Variants in RIT1 observed in about 807,000 individuals in gnomAD.
RIT1 encodes GTP-binding protein Rit1.
Under a neutral mutation model 25.6 loss-of-function variants are expected in RIT1, and 6 were observed. The ratio of observed to expected loss-of-function variants is 0.23; its 90% confidence interval spans 0.13 to 0.46. The LOEUF is 0.46. RIT1 is among the 20% of genes least tolerant of loss of function. The pLI is 0.99. For missense variants in RIT1, 219 were observed against 284.4 expected, an observed-to-expected ratio of 0.77 and a Z score of 1.65; for synonymous variants, 81 against 94.1, an observed-to-expected ratio of 0.86 and a Z score of 0.80.
At chr1:155,906,109 G>A (rs1172713579) in intron 3 of RIT1, among the ~76,000 whole-genome samples, 3 of 152,092 alleles carry the variant, frequency 2.0e-5, no homozygotes, top group Non-Finnish European at 2.9e-5. Context: ...GATTACAGGC[G>A]TGAGCCACTG....
At chr1:155,910,429 A>AT (rs779057350) in intron 3 of RIT1, 21 bp downstream of exon 3, 1 of 1,600,490 alleles carries the variant, frequency 6.2e-7, no homozygotes, top group Non-Finnish European at 8.6e-7. Context: ...ATTTGGAAAC[A>AT]TAAGTGATGA....
intron 3 of RIT1, among the ~76,000 whole-genome samples, chr1:155,907,789 T>C (rs192952048): frequency 1.3e-5 from 2 of 152,210 alleles, no homozygotes; most frequent in Non-Finnish European, 2.9e-5. Flanking sequence ...TGGAGGAAAA[T>C]TGATTAAAAC....
At chr1:155,903,402 G>A (rs564578432) in intron 5 of RIT1, among the ~76,000 whole-genome samples, 2 of 139,716 alleles carry the variant, frequency 1.4e-5, no homozygotes, top group South Asian at 2.3e-4. Context: ...GCAGTGAGCC[G>A]AGATTGTGCC....
chr1:155,904,825 G>T, intron 3 of RIT1, 21 bp from the exon 4 acceptor site: 1 of 1,512,452 alleles, frequency 6.6e-7, no homozygotes, highest in Non-Finnish European at 9.2e-7. Flanking sequence ...GAAGAAAGGT[G>T]TACTATAAAG....
chr1:155,908,325 G>A (rs1283160141), intron 3 of RIT1, among the ~76,000 whole-genome samples: 1 of 150,814 alleles, frequency 6.6e-6, no homozygotes, highest in East Asian at 2.0e-4. Context: ...CGTGGTGATG[G>A]GCCCCTGTAG....
In RIT1 at chr1:155,898,492, T is replaced by TTAA. The variant is rs1491498831; in HGVS notation, c.*1895_*1896insTTA. 5.5e-4 allele frequency: 19 copies of TTAA among 34,316 alleles called. No homozygotes were observed. The highest frequency in any genetic ancestry group is 1.8e-3 in the African/African-American group (19 of 10,812). 2.1% of individuals were successfully genotyped at this position (34,316 alleles called of 1,614,324 possible). On this transcript the variant is annotated 3_prime_UTR_variant, in exon 6 of 6. Transcript: ENST00000368323. The stretch of plus-strand genomic sequence containing the variant: ...AACATAGTGAAACCTCATCTCTATT[T>TTAA]AAAAAAAAAAAAAAAAAAAAAAAAA...
At chr1:155,909,470 T>C (rs1164919239) in intron 3 of RIT1, among the ~76,000 whole-genome samples, 2 of 152,166 alleles carry the variant, frequency 1.3e-5, no homozygotes, top group Non-Finnish European at 2.9e-5. Context: ...TATTAGGATA[T>C]AAACCCTTAG....
chr1:155,910,345 T>C (rs544612997), intron 3 of RIT1, 105 bp downstream of exon 3: 51 of 949,400 alleles, frequency 5.4e-5, no homozygotes, highest in Admixed American at 3.9e-4. Context: ...AAATCTGAAT[T>C]AGACTCCAAA....
At position 155,898,288 on chromosome 1, in the gene RIT1, A is replaced by G. The variant is rs1446332985; in HGVS notation, c.*2100T>C. The G allele has an allele frequency of 6.6e-6, 1 of 151,898 alleles. No individual in the cohort carries two copies. The highest frequency in any genetic ancestry group is 1.5e-5 in the Non-Finnish European group (1 of 67,950). The allele number at this position is 151,898 out of a possible 1,614,324, so 9.4% of individuals were successfully genotyped here. A position where few individuals can be genotyped will look rare whatever the true frequency, so the allele number is the denominator to read the frequency against. On this transcript the variant is annotated 3_prime_UTR_variant, in exon 6 of 6. Transcript: ENST00000368323. ...ATAGTCTTAAAAACACCGATTTGTT[A>G]TTTTCCTTATATATAATCCAAATTC...
intron 2 of RIT1, 44 bp downstream of exon 2, chr1:155,910,612 T>C (rs1673574903): frequency 6.2e-7 from 1 of 1,610,448 alleles, no homozygotes; most frequent in East Asian, 2.2e-5. Flanking sequence ...GTCATTTAAG[T>C]ACTTTTCATC....
intron 5 of RIT1, among the ~76,000 whole-genome samples, chr1:155,901,746 A>C (rs974482186): frequency 6.6e-6 from 1 of 152,012 alleles, no homozygotes; most frequent in African/African-American, 2.4e-5. Context: ...TGAGCCCAGG[A>C]GGTCAAGGCT....
At chr1:155,909,908 C>G (rs1289975635) in intron 3 of RIT1, among the ~76,000 whole-genome samples, 1 of 112,374 alleles carries the variant, frequency 8.9e-6, no homozygotes, top group Non-Finnish European at 1.7e-5. Context: ...GGAGACAGTG[C>G]GAGACTCCAT....
At chr1:155,907,287 C>T (rs545605014) in intron 3 of RIT1, among the ~76,000 whole-genome samples, 5 of 147,882 alleles carry the variant, frequency 3.4e-5, no homozygotes, top group South Asian at 2.1e-4. Context: ...TCGCTCAGGG[C>T]GGAGTGCAGT....
At chr1:155,908,098 A>AC (rs1673489796) in intron 3 of RIT1, among the ~76,000 whole-genome samples, 1 of 149,784 alleles carries the variant, frequency 6.7e-6, no homozygotes, top group Non-Finnish European at 1.5e-5. Flanking sequence ...TAAAAAAAAA[A>AC]AACAAAAAAA....
At position 155,900,205 on chromosome 1, in the gene RIT1, G is replaced by A. The variant is rs1673282788; in HGVS notation, c.*183C>T. ...ATTTAAAAGCAGACAGTGCTCCACTGGGTTAATAAATCATACTTAACTAAG... is the reference window on the plus strand; with the variant it reads ...ATTTAAAAGCAGACAGTGCTCCACTAGGTTAATAAATCATACTTAACTAAG... On this transcript the variant is annotated 3_prime_UTR_variant, in exon 6 of 6. Coordinates refer to ENST00000368323, the MANE Select transcript of RIT1 (RefSeq NM_006912.6). The A allele has an allele frequency of 1.7e-6, 1 of 577,620 alleles. No homozygotes were observed. The highest frequency in any genetic ancestry group is 3.1e-6 in the Non-Finnish European group (1 of 325,938). The allele number at this position is 577,620 out of a possible 1,614,324, so 35.8% of individuals were successfully genotyped here.
Position 155,899,949 on chromosome 1 carries a change from T to C in RIT1, c.*439A>G, listed in dbSNP as rs1231204757. On this transcript the variant is annotated 3_prime_UTR_variant, in exon 6 of 6. Coordinates refer to ENST00000368323, the MANE Select transcript of RIT1 (RefSeq NM_006912.6). The stretch of plus-strand genomic sequence containing the variant: ...TAGCCCCAATTTCCCTACATGATTT[T>C]TGTTCTGTCTCTAGGAAGCATAGTG... 8.9e-6 allele frequency: 2 copies of C among 224,036 alleles called. No individual in the cohort carries two copies. Among genetic ancestry groups the C allele is most frequent in the Non-Finnish European group, 1.8e-5 (2 of 111,560 alleles). 13.9% of individuals were successfully genotyped at this position (224,036 alleles called of 1,614,324 possible). A position where few individuals can be genotyped will look rare whatever the true frequency, so the allele number is the denominator to read the frequency against.
chr1:155,910,297 C>A, intron 3 of RIT1, 153 bp downstream of exon 3: 2 of 634,716 alleles, frequency 3.2e-6, no homozygotes, highest in Non-Finnish European at 5.5e-6. Context: ...AAGAAATATT[C>A]AGTTGCTTAC....
Position 155,910,745 on chromosome 1 carries a change from C to G in RIT1, c.17G>C (p.Arg6Pro), listed in dbSNP as rs1255067143. MDSGT[R>P]PVGSCCSSPA... ...GCTGCTACAGCAGCTACCAACTGGG[C>G]GAGTTCCAGAATCCATTGTCCTCTT... The change falls in exon 2 of 6, where the codon CGC becomes CCC. Residue 6 changes from arginine (R) to proline (P), a missense_variant. Transcript: ENST00000368323. 5 of 1,614,116 alleles carry G rather than the reference C, an allele frequency of 3.1e-6. No individual in the cohort carries two copies. The highest frequency in any genetic ancestry group is 1.3e-5 in the African/African-American group (1 of 74,934).
chr1:155,904,621 G>A (rs764912034), intron 4 of RIT1, 110 bp downstream of exon 4: 3 of 1,204,214 alleles, frequency 2.5e-6, no homozygotes, highest in East Asian at 2.4e-5. Context: ...CTGAGTCAGA[G>A]TGCATGAAAA....
Sources: allele counts gnomAD v4.1 joint callset (sites outside exome capture counted in the v4.1 genomes callset), GRCh38; gene constraint gnomAD v4.1.1; transcripts MANE v1.5; gene names NCBI Gene and HGNC (gene_info 2026-07-23, HGNC 2026-07-21).